Variants in CALD1 observed in about 807,000 individuals in gnomAD.
CALD1 encodes caldesmon.
Under a neutral mutation model 99.9 loss-of-function variants are expected in CALD1, and 33 were observed. That is an observed-to-expected ratio of 0.33 (90% CI 0.25 to 0.44). The LOEUF is 0.44. Among genes scored for constraint, CALD1 ranks in the 20% least tolerant of loss-of-function variants. The pLI, the probability that CALD1 is intolerant of heterozygous loss-of-function variation, is 1.00. For synonymous variants in CALD1, 310 were observed against 325.0 expected, an observed-to-expected ratio of 0.95 and a Z score of 0.50; for missense variants, 861 against 962.1, an observed-to-expected ratio of 0.89 and a Z score of 1.39.
intron 1 of CALD1, among the ~76,000 whole-genome samples, chr7:134,791,954 C>T (rs1261478559): frequency 6.6e-6 from 1 of 152,196 alleles, no homozygotes; most frequent in Non-Finnish European, 1.5e-5. Context: ...GAGACTTATT[C>T]ACTACCACGA....
chr7:134,857,374 G>A (rs1019630379), intron 2 of CALD1, among the ~76,000 whole-genome samples: 2 of 151,310 alleles, frequency 1.3e-5, no homozygotes, highest in Non-Finnish European at 2.9e-5. Context: ...TTTCACCGTG[G>A]TCTTGATCTC....
Position 134,947,611 on chromosome 7 carries a change from A to C in CALD1, c.1636A>C (p.Thr546Pro). The C allele has an allele frequency of 6.4e-7, 1 of 1,563,070 alleles. No homozygotes were observed. ...LEELRRRRGE[T>P]ESEEFEKLKQ... ...GGAGCTTCGTCGTCGTCGCGGGGAG[A>C]CCGAGAGCGAAGAGTTCGAGAAGCT... The change falls in exon 8 of 15, where the codon ACC (threonine) becomes CCC (proline). Residue 546 changes from threonine to proline, a missense_variant. Physicochemically the swap from Thr to Pro is conservative, Grantham distance 38. Transcript: ENST00000361675.
chr7:134,730,478 T>A, the CALD1 span, among the ~76,000 whole-genome samples: 30 of 151,874 alleles, frequency 2.0e-4, no homozygotes, highest in Admixed American at 1.8e-3. Flanking sequence ...TATCCACGGG[T>A]TTTACAAGCA....
chr7:134,772,426 G>A (rs2123440), intron 1 of CALD1, among the ~76,000 whole-genome samples: 89,055 of 151,924 alleles, frequency 0.59, 27,278 homozygotes, highest in East Asian at 0.88. Context: ...ATTTCCACGA[G>A]CCTAAACAAC....
chr7:134,906,898 G>A (rs1274057704), intron 3 of CALD1, among the ~76,000 whole-genome samples: 1 of 152,134 alleles, frequency 6.6e-6, no homozygotes, highest in African/African-American at 2.4e-5. Context: ...GCAGAACTGT[G>A]ACATCTTGGA....
intron 3 of CALD1, among the ~76,000 whole-genome samples, chr7:134,877,662 T>C (rs999912335): frequency 9.2e-5 from 14 of 152,196 alleles, no homozygotes; most frequent in African/African-American, 2.4e-4. Context: ...ATAACAACTA[T>C]GTACATAGCA....
At chr7:134,950,295 T>C in intron 8 of CALD1, 79 bp from the exon 9 acceptor site, 2 of 1,427,298 alleles carry the variant, frequency 1.4e-6, no homozygotes, top group South Asian at 1.2e-5. Flanking sequence ...TCTCCAACTG[T>C]GCTCTCTCTC....
chr7:134,928,364 G>A (rs12707190), intron 3 of CALD1, among the ~76,000 whole-genome samples: 60,537 of 148,186 alleles, frequency 0.41, 13,488 homozygotes, highest in East Asian at 0.87. Context: ...AGGAGGTGGA[G>A]GTGGCAGTGA....
chr7:134,905,931 T>G (rs1196460439), intron 3 of CALD1, among the ~76,000 whole-genome samples: 1 of 147,576 alleles, frequency 6.8e-6, no homozygotes, highest in African/African-American at 2.5e-5. Flanking sequence ...TCTTTTTTTT[T>G]TTTTTTTTTT....
intron 1 of CALD1, among the ~76,000 whole-genome samples, chr7:134,810,901 G>A (rs1279856308): frequency 1.3e-5 from 2 of 152,270 alleles, no homozygotes; most frequent in Middle Eastern, 3.4e-3. Context: ...CTATCAACAT[G>A]TGCTGTCAGC....
At chr7:134,792,217 T>G (rs1194556178) in intron 1 of CALD1, among the ~76,000 whole-genome samples, 13 of 152,122 alleles carry the variant, frequency 8.5e-5, no homozygotes, top group Non-Finnish European at 4.4e-5. Flanking sequence ...CTGTTTCACT[T>G]GTAGATGGTT....
intron 1 of CALD1, among the ~76,000 whole-genome samples, chr7:134,782,412 G>C (rs1797141972): frequency 6.6e-6 from 1 of 152,214 alleles, no homozygotes; most frequent in African/African-American, 2.4e-5. Context: ...CTTACTGAAA[G>C]TCCTTCATCT....
In CALD1 at chr7:134,835,139, G is replaced by A. The variant is rs181823795; in HGVS notation, c.-129-8745G>A. 1.9e-3 allele frequency among the ~76,000 whole-genome samples: 285 copies of A among 152,318 alleles called. 1 individual carries two copies. Among genetic ancestry groups the A allele is most frequent in the Non-Finnish European group, 3.2e-3 (218 of 68,024 alleles). Reference sequence around the variant, plus strand: ...TGCCTGCCTTTCTTTAAAATGCTGAGGAATGACATCTAGTGAATTTTTTCA... The same window carrying A: ...TGCCTGCCTTTCTTTAAAATGCTGAAGAATGACATCTAGTGAATTTTTTCA... On this transcript the variant is annotated intron_variant, in intron 1 of 14. Coordinates refer to ENST00000361675, the MANE Select transcript of CALD1 (RefSeq NM_033138.4).
intron 3 of CALD1, among the ~76,000 whole-genome samples, chr7:134,874,056 G>A (rs541310142): frequency 3.3e-4 from 51 of 152,302 alleles, no homozygotes; most frequent in Admixed American, 2.9e-3. Flanking sequence ...GACTGTGATC[G>A]GTAACAGTTT....
chr7:134,773,008 A>G (rs1279605996), intron 1 of CALD1, among the ~76,000 whole-genome samples: 1 of 152,212 alleles, frequency 6.6e-6, no homozygotes, highest in African/African-American at 2.4e-5. Context: ...CTTCAGGTGA[A>G]GCATATAACC....
chr7:134,730,129 A>C, the CALD1 span, among the ~76,000 whole-genome samples: 3 of 152,024 alleles, frequency 2.0e-5, no homozygotes. Flanking sequence ...CCCATTCAGC[A>C]AAAGGCCTGA....
rs544851000 is a variant in CALD1, at chr7:134,929,112, C to T, written c.218+212C>T. On this transcript the variant is annotated intron_variant, in intron 4 of 14. Transcript: ENST00000361675. ...GGACACACTATTCTATTTCTCTCCA[C>T]CCCGTTCCCATCTCATAAACATACC... 1.6e-4 allele frequency among the ~76,000 whole-genome samples: 25 copies of T among 152,280 alleles called. 1 individual carries two copies. The South Asian group carries it at 5.0e-3, about 30-fold the overall frequency.
At chr7:134,859,161 A>G (rs1015921320) in intron 2 of CALD1, among the ~76,000 whole-genome samples, 1 of 152,226 alleles carries the variant, frequency 6.6e-6, no homozygotes, top group African/African-American at 2.4e-5. Flanking sequence ...TTTCAGGGAT[A>G]GGGGTCTACC....
chr7:134,799,503 TA>T (rs1167566342), intron 1 of CALD1, among the ~76,000 whole-genome samples: 3 of 152,210 alleles, frequency 2.0e-5, no homozygotes, highest in Non-Finnish European at 2.9e-5. Flanking sequence ...ATAGTTTACA[TA>T]AAAGTATCTC....
Sources: allele counts gnomAD v4.1 joint callset (sites outside exome capture counted in the v4.1 genomes callset), GRCh38; gene constraint gnomAD v4.1.1; transcripts MANE v1.5; gene names NCBI Gene and HGNC (gene_info 2026-07-23, HGNC 2026-07-21).